Variants in CNTNAP2 observed in about 807,000 individuals in gnomAD.
CNTNAP2 encodes the protein contactin-associated protein-like 2.
CNTNAP2 carries 98 observed loss-of-function variants against 155.2 expected under a neutral mutation model. The observed-to-expected ratio is 0.63, with a 90% CI of 0.54 to 0.75. The LOEUF is 0.75. CNTNAP2 is among the 30% of genes least tolerant of loss of function. The pLI, the probability that CNTNAP2 is intolerant of heterozygous loss-of-function variation, is 0.00. For synonymous variants in CNTNAP2, 651 were observed against 631.2 expected (o/e 1.03, Z -0.47); for missense variants, 1,727 against 1,688.1 (o/e 1.02, Z -0.40).
At chr7:146,830,292 T>C (rs1201120717) in intron 2 of CNTNAP2, among the ~76,000 whole-genome samples, 1 of 152,056 alleles carries the variant, frequency 6.6e-6, no homozygotes, top group Non-Finnish European at 1.5e-5. Flanking sequence ...GAATCACTTC[T>C]AGAACAATTT....
chr7:147,080,202 C>T (rs1263129303), intron 4 of CNTNAP2, among the ~76,000 whole-genome samples: 1 of 152,144 alleles, frequency 6.6e-6, no homozygotes, highest in Admixed American at 6.5e-5. Context: ...AAAGATCACC[C>T]TGTCACCATG....
At chr7:147,305,189 G>A (rs1358271754) in intron 9 of CNTNAP2, among the ~76,000 whole-genome samples, 1 of 152,110 alleles carries the variant, frequency 6.6e-6, no homozygotes, top group East Asian at 1.9e-4. Context: ...AATAGACCAT[G>A]GATTTTAAAT....
intron 13 of CNTNAP2, among the ~76,000 whole-genome samples, chr7:147,902,516 T>C (rs1315668145): frequency 6.6e-6 from 1 of 152,142 alleles, no homozygotes; most frequent in Non-Finnish European, 1.5e-5. Context: ...ACCCAAGAAG[T>C]ATACACTGAA....
chr7:146,713,535 T>TG (rs1801134730), intron 1 of CNTNAP2, among the ~76,000 whole-genome samples: 1 of 152,192 alleles, frequency 6.6e-6, no homozygotes, highest in South Asian at 2.1e-4. Context: ...AGTTCTCTCC[T>TG]GCCCAACCAC....
At position 148,094,038 on chromosome 7, in the gene CNTNAP2, G is replaced by GT. The variant is rs545181561; in HGVS notation, c.2384-24079dup. On this transcript the variant is annotated intron_variant, in intron 15 of 23. Transcript: ENST00000361727. ...CTCCCAAAGTGCTGGGATTGCAGGT[G>GT]TAAGCCACCACACCCAGTGGCTAAT... 5.0e-3 allele frequency among the ~76,000 whole-genome samples: 762 copies of GT among 152,284 alleles called. 8 individuals are homozygous for GT. Among genetic ancestry groups the GT allele is most frequent in the Non-Finnish European group, 8.4e-3 (573 of 68,026 alleles).
At chr7:147,288,856 A>G (rs566394692) in intron 8 of CNTNAP2, among the ~76,000 whole-genome samples, 1 of 152,328 alleles carries the variant, frequency 6.6e-6, no homozygotes, top group Non-Finnish European at 1.5e-5. Context: ...GACCTCACAC[A>G]CTACATACAA....
chr7:146,676,154 T>C (rs1800394646), intron 1 of CNTNAP2, among the ~76,000 whole-genome samples: 1 of 152,192 alleles, frequency 6.6e-6, no homozygotes, highest in Admixed American at 6.6e-5. Context: ...ATGAAATGTA[T>C]ATCATAAATC....
chr7:146,822,411 T>A (rs1157582624), intron 2 of CNTNAP2, among the ~76,000 whole-genome samples: 1 of 151,748 alleles, frequency 6.6e-6, no homozygotes, highest in Admixed American at 6.6e-5. Flanking sequence ...ACATGGCACA[T>A]GTATACATAT....
At chr7:147,051,357 T>C (rs1584806213) in intron 4 of CNTNAP2, among the ~76,000 whole-genome samples, 1 of 152,018 alleles carries the variant, frequency 6.6e-6, no homozygotes, top group African/African-American at 2.4e-5. Context: ...GTTTATAATT[T>C]CTTCAATTTA....
intron 1 of CNTNAP2, among the ~76,000 whole-genome samples, chr7:146,564,685 C>A (rs918216116): frequency 6.6e-6 from 1 of 151,248 alleles, no homozygotes; most frequent in Non-Finnish European, 1.5e-5. Context: ...TTGAGGAACT[C>A]ATTTTTTGGC....
intron 1 of CNTNAP2, among the ~76,000 whole-genome samples, chr7:146,186,634 T>A (rs73739511): frequency 0.033 from 5,036 of 152,262 alleles, 279 homozygotes; most frequent in African/African-American, 0.12. Context: ...CCTTTATATA[T>A]GAATGACAAT....
At chr7:146,649,819 C>T (rs917669987) in intron 1 of CNTNAP2, among the ~76,000 whole-genome samples, 1 of 151,900 alleles carries the variant, frequency 6.6e-6, no homozygotes, top group Non-Finnish European at 1.5e-5. Context: ...TTTCCCAAAC[C>T]ATAGTCTTAA....
chr7:148,321,030 G>A (rs544675669), intron 21 of CNTNAP2, among the ~76,000 whole-genome samples: 1 of 152,244 alleles, frequency 6.6e-6, no homozygotes, highest in East Asian at 1.9e-4. Context: ...AATGAGAGGA[G>A]CGCCTGGCCA....
chr7:147,417,160 T>C (rs1258507819), intron 10 of CNTNAP2, among the ~76,000 whole-genome samples: 1 of 152,142 alleles, frequency 6.6e-6, no homozygotes, highest in Non-Finnish European at 1.5e-5. Context: ...GACTGTATCA[T>C]CTCAACCACG....
chr7:146,962,020 C>T (rs192050445), intron 3 of CNTNAP2, among the ~76,000 whole-genome samples: 121 of 152,208 alleles, frequency 7.9e-4, no homozygotes, highest in East Asian at 3.7e-3. Context: ...ACTCCAGTTA[C>T]GCAGTGGTTA....
intron 3 of CNTNAP2, among the ~76,000 whole-genome samples, chr7:146,881,771 T>TTA (rs1212175944): frequency 6.6e-6 from 1 of 150,976 alleles, no homozygotes; most frequent in Non-Finnish European, 1.5e-5. Context: ...TTTTTTTTTT[T>TTA]TTTTACAAAA....
intron 9 of CNTNAP2, among the ~76,000 whole-genome samples, chr7:147,390,943 A>G (rs1419746115): frequency 2.0e-5 from 3 of 152,254 alleles, no homozygotes; most frequent in African/African-American, 2.4e-5. Flanking sequence ...TCTAAAAGCC[A>G]TCCAAAGTCT....
intron 3 of CNTNAP2, among the ~76,000 whole-genome samples, chr7:146,995,052 G>A (rs771360073): frequency 1.3e-5 from 2 of 152,008 alleles, no homozygotes; most frequent in Non-Finnish European, 2.9e-5. Context: ...GAGATCATTT[G>A]TTTTTTGATT....
chr7:147,357,313 A>T (rs1327308868), intron 9 of CNTNAP2, among the ~76,000 whole-genome samples: 1 of 152,056 alleles, frequency 6.6e-6, no homozygotes, highest in Non-Finnish European at 1.5e-5. Context: ...GTCGTGATAA[A>T]GCTGAGTCCA....
Sources: gnomAD v4.1 joint callset for allele counts (sites outside exome capture counted in the v4.1 genomes callset) on GRCh38, gnomAD v4.1.1 for gene constraint, MANE v1.5 for transcripts, NCBI Gene and HGNC (gene_info 2026-07-23, HGNC 2026-07-21) for gene names.